Variants in TMX2 observed in about 807,000 individuals in gnomAD.
TMX2 encodes thioredoxin-related transmembrane protein 2.
TMX2 carries 20 observed loss-of-function variants against 33.4 expected under a neutral mutation model. The observed-to-expected ratio is 0.60, with a 90% CI of 0.42 to 0.87. The LOEUF is 0.87. Ranked by LOEUF, TMX2 falls within the 40% of genes least tolerant of loss-of-function variation. The probability of loss-of-function intolerance (pLI) is 0.00; values close to 1 mark genes in which losing one functional copy is unlikely to be tolerated. For missense variants in TMX2, 340 were observed against 370.7 expected (o/e 0.92, Z 0.68); for synonymous variants, 166 against 140.7 (o/e 1.18, Z -1.27).
At chr11:57,739,084 T>C (rs773261081) in intron 6 of TMX2, 45 bp downstream of exon 6, 3 of 1,614,200 alleles carry the variant, frequency 1.9e-6, no homozygotes, top group Admixed American at 1.7e-5. Flanking sequence ...GAAATCACTT[T>C]GAGTGATACA....
intron 1 of TMX2, among the ~76,000 whole-genome samples, chr11:57,717,100 C>G (rs1228758858): frequency 7.0e-6 from 1 of 142,008 alleles, no homozygotes; most frequent in Middle Eastern, 3.8e-3. Flanking sequence ...ACATCTCAGA[C>G]GATGGGCGGC....
chr11:57,729,003 A>AG (rs1948179597), intron 1 of TMX2, among the ~76,000 whole-genome samples: 1 of 152,060 alleles, frequency 6.6e-6, no homozygotes, highest in African/African-American at 2.4e-5. Context: ...GACACTTAAG[A>AG]GGGCAGAAAC....
chr11:57,738,854 G>A, intron 5 of TMX2, 84 bp downstream of exon 5: 1 of 1,547,236 alleles, frequency 6.5e-7, no homozygotes, highest in Non-Finnish European at 8.9e-7. Context: ...TTTTCTTTTG[G>A]CCTTGATTTT....
intron 1 of TMX2, among the ~76,000 whole-genome samples, chr11:57,729,745 TTATG>T (rs1487578465): frequency 2.0e-5 from 3 of 150,420 alleles, no homozygotes; most frequent in Non-Finnish European, 4.4e-5. Flanking sequence ...GTCTATATAT[TTATG>T]TGTGTGTATA....
rs367743192 is a variant in TMX2, at chr11:57,737,660, G to A, written c.242G>A (p.Arg81His). Residue 81 changes from arginine to histidine, a missense_variant, in exon 2 of 8, where the codon CGC becomes CAC. This residue lies in a region of TMX2 where 25 missense variants were observed against 46.5 expected (regional missense o/e 0.54). Coordinates refer to ENST00000278422, the MANE Select transcript of TMX2 (RefSeq NM_015959.4). ...FLSAIVMMKN[R>H]RSITVEQHIG... The stretch of plus-strand genomic sequence containing the variant: ...AGTGCCATTGTGATGATGAAGAACC[G>A]CAGATCCAGTAAGTTTAGTTCACTT... The A allele has an allele frequency of 5.0e-6, 8 of 1,613,758 alleles. No homozygotes were observed. The African/African-American group carries it at 5.3e-5, about 11-fold the overall frequency.
intron 1 of TMX2, among the ~76,000 whole-genome samples, chr11:57,723,976 G>T (rs902247061): frequency 6.6e-6 from 1 of 151,716 alleles, no homozygotes; most frequent in Non-Finnish European, 1.5e-5. Flanking sequence ...CAATATAGGG[G>T]AAGGGCAAAA....
rs375409839 is a variant in TMX2, at chr11:57,736,776, T to C, written c.190-832T>C. ...AGTAGTGTGCGCCTGTAGTCCCAGCTACTTGGGAGGTTGAGTCAGGAGAAA... is the reference window on the plus strand; with the variant it reads ...AGTAGTGTGCGCCTGTAGTCCCAGCCACTTGGGAGGTTGAGTCAGGAGAAA... On this transcript the variant is annotated intron_variant, in intron 1 of 7. Coordinates refer to ENST00000278422, the MANE Select transcript of TMX2 (RefSeq NM_015959.4). 1.1e-4 allele frequency among the ~76,000 whole-genome samples: 17 copies of C among 151,608 alleles called. No individual in the cohort carries two copies. The East Asian group carries it at 3.1e-3, about 28-fold the overall frequency.
chr11:57,715,224 A>AC (rs1946895149), intron 1 of TMX2, among the ~76,000 whole-genome samples: 1 of 151,900 alleles, frequency 6.6e-6, no homozygotes, highest in Non-Finnish European at 1.5e-5. Flanking sequence ...ACATGGTGTA[A>AC]CCCCGTCTCT....
At chr11:57,729,153 A>G (rs984323617) in intron 1 of TMX2, among the ~76,000 whole-genome samples, 1 of 152,162 alleles carries the variant, frequency 6.6e-6, no homozygotes, top group South Asian at 2.1e-4. Context: ...CAAATCTAAG[A>G]CTAAGGAGAA....
intron 1 of TMX2, among the ~76,000 whole-genome samples, chr11:57,715,370 C>T (rs1049536901): frequency 1.3e-5 from 2 of 151,958 alleles, no homozygotes; most frequent in African/African-American, 2.4e-5. Flanking sequence ...CATTGCACTC[C>T]AGCCTGGGCA....
intron 1 of TMX2, among the ~76,000 whole-genome samples, chr11:57,725,201 C>T (rs1226272326): frequency 6.6e-6 from 1 of 152,072 alleles, no homozygotes; most frequent in Non-Finnish European, 1.5e-5. Flanking sequence ...GGGCTGATGG[C>T]AAAAACTAAG....
At chr11:57,718,596 T>C in intron 1 of TMX2, 1 of 541,706 alleles carries the variant, frequency 1.8e-6, no homozygotes. Flanking sequence ...TATATCTGTT[T>C]AGTTTTATCT....
rs141328802 is a variant in TMX2, at chr11:57,738,982, G to A, written c.557G>A (p.Cys186Tyr). 3.7e-6 allele frequency: 6 copies of A among 1,613,640 alleles called. No homozygotes were observed. Among genetic ancestry groups the A allele is most frequent in the Non-Finnish European group, 5.1e-6 (6 of 1,179,882 alleles). Residue 186 changes from cysteine (C) to tyrosine (Y), a missense_variant, in exon 6 of 8, where the codon TGT becomes TAT. Cys to Tyr is a radical substitution (Grantham distance 194, BLOSUM62 -2). Around this residue, in one of 3 missense-constraint regions of TMX2, gnomAD observed 209 missense variants for 241.6 expected, o/e 0.87. Coordinates refer to ENST00000278422, the MANE Select transcript of TMX2 (RefSeq NM_015959.4). Reference sequence around the variant, plus strand: ...TAATATATTCTTTTCAGATACAACTGTACAGGGCTAAATTTTGGGAAGGTG... The same window carrying A: ...TAATATATTCTTTTCAGATACAACTATACAGGGCTAAATTTTGGGAAGGTG... ...IYADLSLKYN[C>Y]TGLNFGKVDV...
intron 1 of TMX2, among the ~76,000 whole-genome samples, chr11:57,723,784 CAG>C (rs540151967): frequency 7.0e-6 from 1 of 143,006 alleles, no homozygotes; most frequent in Admixed American, 7.0e-5. Flanking sequence ...GCCTGGGTGA[CAG>C]AGCAAGACTC....
intron 1 of TMX2, among the ~76,000 whole-genome samples, chr11:57,716,044 C>G (rs1326847684): frequency 6.6e-6 from 1 of 152,200 alleles, no homozygotes; most frequent in Non-Finnish European, 1.5e-5. Flanking sequence ...TCCCCCCTTT[C>G]TATTCCACAA....
At chr11:57,726,085 AC>A (rs1454464812) in intron 1 of TMX2, among the ~76,000 whole-genome samples, 1 of 152,116 alleles carries the variant, frequency 6.6e-6, no homozygotes, top group African/African-American at 2.4e-5. Context: ...TGTAACAGAA[AC>A]CAAGCTTACA....
intron 1 of TMX2, among the ~76,000 whole-genome samples, chr11:57,736,758 T>G (rs990395457): frequency 8.6e-5 from 13 of 151,790 alleles, no homozygotes; most frequent in Non-Finnish European, 2.9e-5. Context: ...TACAGTAGTG[T>G]GCGCCTGTAG....
In TMX2 at chr11:57,726,439, C is replaced by A. The variant is rs1245756906; in HGVS notation, c.190-11169C>A. On this transcript the variant is annotated intron_variant, in intron 1 of 7. Transcript: ENST00000278422. ...ATAAAAGATAAGATTAAAAAAAAAA[C>A]AAGTCAGTCTTGTAACTTTGTTTTT... 2.9e-4 allele frequency among the ~76,000 whole-genome samples: 44 copies of A among 151,316 alleles called. 1 individual carries two copies. Among genetic ancestry groups the A allele is most frequent in the African/African-American group, 8.7e-4 (36 of 41,200 alleles).
At chr11:57,736,412 C>A (rs369401237) in intron 1 of TMX2, among the ~76,000 whole-genome samples, 1 of 151,598 alleles carries the variant, frequency 6.6e-6, no homozygotes, top group South Asian at 2.1e-4. Context: ...GGACCCCATT[C>A]AAAGCCATCC....
Sources: allele counts gnomAD v4.1 joint callset (sites outside exome capture counted in the v4.1 genomes callset), GRCh38; gene constraint gnomAD v4.1.1; regional missense constraint gnomAD v4.1.1; transcripts MANE v1.5; gene names NCBI Gene and HGNC (gene_info 2026-07-23, HGNC 2026-07-21).